PDILT: variants seen among roughly 807,000 people sequenced by gnomAD.
The protein encoded by PDILT is protein disulfide isomerase like, testis expressed, also known as protein disulfide-isomerase-like protein of the testis.
A neutral mutation model predicts 53.7 loss-of-function variants in PDILT; 43 were observed. The ratio of observed to expected loss-of-function variants is 0.80; its 90% CI spans 0.63 to 1.03. PDILT has a LOEUF of 1.03. Ranked by LOEUF, PDILT falls within the 50% of genes least tolerant of loss-of-function variation. The pLI is 0.00. For synonymous variants in PDILT, 282 were observed against 274.2 expected (o/e 1.03, Z -0.28); for missense variants, 727 against 712.3 (o/e 1.02, Z -0.24).
rs377476920 is a variant in PDILT, at chr16:20,359,396, C to T, written c.1678G>A (p.Glu560Lys). The change falls in exon 12 of 12, where the codon GAG becomes AAG. Residue 560 changes from glutamate to lysine, a missense_variant. Physicochemically the swap from Glu to Lys is moderately conservative, Grantham distance 56. Transcript: ENST00000302451. ...EPAGKKKTSE[E>K]VVVVVAKPKG... ...GGCTTAGCCACCACCACCACCACCT[C>T]CTCAGATGTTTTCTTCTTCCCAGCG... 1.2e-6 allele frequency: 2 copies of T among 1,614,202 alleles called. No homozygotes were observed. Among genetic ancestry groups the T allele is most frequent in the Non-Finnish European group, 1.7e-6 (2 of 1,180,038 alleles).
chr16:20,373,604 T>C (rs1293207991), intron 5 of PDILT, among the ~76,000 whole-genome samples: 1 of 152,240 alleles, frequency 6.6e-6, no homozygotes, highest in African/African-American at 2.4e-5. Context: ...CTATACATAG[T>C]GAACTATAAC....
At chr16:20,360,802 G>T in intron 10 of PDILT, 145 bp from the exon 11 acceptor site, 1 of 636,332 alleles carries the variant, frequency 1.6e-6, no homozygotes, top group Non-Finnish European at 2.8e-6. Context: ...AGCCTCCAGT[G>T]CCATGGTTCC....
At chr16:20,370,325 A>T (rs768181907) in intron 7 of PDILT, among the ~76,000 whole-genome samples, 2 of 152,220 alleles carry the variant, frequency 1.3e-5, no homozygotes, top group African/African-American at 2.4e-5. Flanking sequence ...AAAGCCAAAC[A>T]GCAATGAGTG....
intron 2 of PDILT, among the ~76,000 whole-genome samples, chr16:20,397,387 C>T (rs1457526296): frequency 1.3e-5 from 2 of 152,128 alleles, no homozygotes; most frequent in Admixed American, 6.5e-5. Flanking sequence ...AAGAGAGCTT[C>T]CCACCTCGGC....
In PDILT at chr16:20,369,795, C is replaced by G. The variant is rs533913432; in HGVS notation, c.919-106G>C. 18 of 1,123,730 alleles carry G rather than the reference C, an allele frequency of 1.6e-5. 1 individual carries two copies. In the African/African-American group the frequency reaches 2.6e-4, roughly 16 times the overall value. 69.6% of individuals were successfully genotyped at this position (1,123,730 alleles called of 1,614,324 possible). On this transcript the variant is annotated intron_variant, in intron 7 of 11. Coordinates refer to ENST00000302451, the MANE Select transcript of PDILT (RefSeq NM_174924.2). The stretch of plus-strand genomic sequence containing the variant: ...GATGCACATGGTGGGGTCTGTGGAG[C>G]ACCTCTGCAAAATGTAACAAAGGCA...
chr16:20,364,253 C>T (rs1966157321), intron 9 of PDILT, among the ~76,000 whole-genome samples: 2 of 152,236 alleles, frequency 1.3e-5, no homozygotes, highest in African/African-American at 2.4e-5. Flanking sequence ...TGCATCTAGC[C>T]TCTCATTGAA....
intron 1 of PDILT, among the ~76,000 whole-genome samples, chr16:20,401,361 A>G (rs1231670271): frequency 6.6e-6 from 1 of 152,224 alleles, no homozygotes; most frequent in East Asian, 1.9e-4. Context: ...TGTGAGAGAA[A>G]CGGCTGCCTA....
At chr16:20,400,182 C>A (rs1966719151) in intron 1 of PDILT, among the ~76,000 whole-genome samples, 1 of 151,904 alleles carries the variant, frequency 6.6e-6, no homozygotes, top group Non-Finnish European at 1.5e-5. Flanking sequence ...CCTAGTGATC[C>A]TCCCACCTCA....
chr16:20,383,419 G>A (rs1336068560), intron 3 of PDILT, among the ~76,000 whole-genome samples: 1 of 152,130 alleles, frequency 6.6e-6, no homozygotes, highest in East Asian at 1.9e-4. Context: ...AGCATCCTCT[G>A]TTGCTTCTCT....
chr16:20,370,504 G>T (rs1485524331), intron 7 of PDILT, among the ~76,000 whole-genome samples: 1 of 152,182 alleles, frequency 6.6e-6, no homozygotes, highest in Non-Finnish European at 1.5e-5. Flanking sequence ...CCGGGTGGTG[G>T]AAACTGCCAG....
At chr16:20,366,931 A>AATTC (rs1966200413) in intron 8 of PDILT, among the ~76,000 whole-genome samples, 1 of 141,532 alleles carries the variant, frequency 7.1e-6, no homozygotes, top group Non-Finnish European at 1.5e-5. Flanking sequence ...TAGGAAACCA[A>AATTC]ATTCTTTCCT....
At chr16:20,399,527 G>A (rs987079891) in intron 1 of PDILT, among the ~76,000 whole-genome samples, 16 of 152,262 alleles carry the variant, frequency 1.1e-4, no homozygotes, top group African/African-American at 2.9e-4. Context: ...GCTTAAAGCA[G>A]CAAGAACCCA....
At chr16:20,373,234 G>T in intron 5 of PDILT, 112 bp from the exon 6 acceptor site, 1 of 874,142 alleles carries the variant, frequency 1.1e-6, no homozygotes, top group East Asian at 2.5e-5. Context: ...ACTGAGGAAT[G>T]GTATCAGGTG....
At chr16:20,397,302 A>G (rs1265254247) in intron 2 of PDILT, among the ~76,000 whole-genome samples, 1 of 151,966 alleles carries the variant, frequency 6.6e-6, no homozygotes, top group African/African-American at 2.4e-5. Flanking sequence ...TTCCTAGCCA[A>G]CTTTTGTATT....
At chr16:20,363,071 C>CA (rs1187383410) in intron 9 of PDILT, among the ~76,000 whole-genome samples, 13,613 of 93,498 alleles carry the variant, frequency 0.15, 1,608 homozygotes, top group African/African-American at 0.2. Context: ...GACTCCATCT[C>CA]AAAAAAAAAA....
chr16:20,381,110 A>T (rs1266744904), intron 3 of PDILT, among the ~76,000 whole-genome samples: 1 of 152,218 alleles, frequency 6.6e-6, no homozygotes, highest in Non-Finnish European at 1.5e-5. Context: ...AGGCAACCTG[A>T]GTCTCCCTCC....
chr16:20,381,425 A>C (rs1300975200), intron 3 of PDILT, among the ~76,000 whole-genome samples: 1 of 152,016 alleles, frequency 6.6e-6, no homozygotes, highest in Non-Finnish European at 1.5e-5. Context: ...TCATGAAATC[A>C]AGAGATTGAG....
intron 1 of PDILT, among the ~76,000 whole-genome samples, chr16:20,400,050 C>T (rs60278388): frequency 1.6e-5 from 2 of 123,882 alleles, no homozygotes; most frequent in African/African-American, 7.6e-5. Flanking sequence ...ATCTATCTAT[C>T]TATCTATATA....
chr16:20,400,042 CTATCTATCTATCTA>C (rs1472319038), intron 1 of PDILT, among the ~76,000 whole-genome samples: 1 of 121,028 alleles, frequency 8.3e-6, no homozygotes, highest in African/African-American at 3.8e-5. Context: ...ATCTATCTAT[CTATCTATCTATCTA>C]TATATATATA....
Sources: allele counts gnomAD v4.1 joint callset (sites outside exome capture counted in the v4.1 genomes callset), GRCh38; gene constraint gnomAD v4.1.1; transcripts MANE v1.5; gene names NCBI Gene and HGNC (gene_info 2026-07-23, HGNC 2026-07-21).